TNPO3: variants seen among roughly 807,000 people sequenced by gnomAD.
TNPO3 encodes transportin 3, also known as transportin-3.
TNPO3 carries 65 observed loss-of-function variants against 122.8 expected under a neutral mutation model. That is an observed-to-expected ratio of 0.53 (90% CI 0.43 to 0.65). TNPO3 has a LOEUF of 0.65. Among genes scored for constraint, TNPO3 ranks in the 30% least tolerant of loss-of-function variants. The pLI is 0.00. For missense variants in TNPO3, 850 were observed against 1,136.7 expected (o/e 0.75, Z 3.63); for synonymous variants, 372 against 411.2 (o/e 0.90, Z 1.15).
At chr7:129,013,592 C>T (rs1803475382) in intron 4 of TNPO3, among the ~76,000 whole-genome samples, 1 of 152,118 alleles carries the variant, frequency 6.6e-6, no homozygotes, top group Admixed American at 6.5e-5. Flanking sequence ...ATAGTACTAC[C>T]ATACGATCTA....
In TNPO3 at chr7:128,972,530, T is replaced by G. The variant is rs368873021; in HGVS notation, c.2326A>C (p.Ile776Leu). 1 of 1,614,008 alleles carries G rather than the reference T, an allele frequency of 6.2e-7. No individual in the cohort carries two copies. Among genetic ancestry groups the G allele is most frequent in the Non-Finnish European group, 8.5e-7 (1 of 1,180,028 alleles). ...GTAGAGGCAATGGCCCACTGTAAGA[T>G]AGGGATGACCACTTGGCTCCGCAGC... is the stretch of plus-strand genomic sequence containing the variant. ...TLLRSQVVIP[I>L]LQWAIASTTL... Residue 776 changes from isoleucine (I) to leucine (L), a missense_variant, in exon 19 of 23, where the codon ATC becomes CTC. Coordinates refer to ENST00000265388, the MANE Select transcript of TNPO3 (RefSeq NM_012470.4).
At chr7:128,991,925 G>GA (rs1253996457) in intron 10 of TNPO3, 74 bp downstream of exon 10, 8,558 of 981,240 alleles carry the variant, frequency 8.7e-3, no homozygotes, top group South Asian at 0.01. Context: ...TACCATATAA[G>GA]AAAAAAAAAA....
intron 10 of TNPO3, among the ~76,000 whole-genome samples, chr7:128,990,675 T>C (rs1033485636): frequency 4.6e-5 from 7 of 152,234 alleles, no homozygotes; most frequent in African/African-American, 1.7e-4. Context: ...TAGATTAAGT[T>C]GCCCCGATTT....
intron 4 of TNPO3, among the ~76,000 whole-genome samples, chr7:129,014,321 G>C (rs925073283): frequency 6.6e-6 from 1 of 152,122 alleles, no homozygotes; most frequent in Non-Finnish European, 1.5e-5. Context: ...TCAGGAGTTC[G>C]AGGCCAGCCT....
At chr7:129,052,756 G>A (rs960704599) in intron 1 of TNPO3, among the ~76,000 whole-genome samples, 1 of 152,316 alleles carries the variant, frequency 6.6e-6, no homozygotes, top group Middle Eastern at 3.4e-3. Flanking sequence ...CAGCATAGTT[G>A]CTGGCACATG....
At chr7:129,036,287 A>T (rs1346296097) in intron 1 of TNPO3, among the ~76,000 whole-genome samples, 10 of 151,986 alleles carry the variant, frequency 6.6e-5, no homozygotes, top group Non-Finnish European at 1.5e-4. Flanking sequence ...GGGTCTTGAC[A>T]TGGTTGCCCA....
At chr7:128,989,066 G>A (rs772711578) in intron 11 of TNPO3, among the ~76,000 whole-genome samples, 1 of 152,034 alleles carries the variant, frequency 6.6e-6, no homozygotes, top group Non-Finnish European at 1.5e-5. Context: ...AACAGAGCGA[G>A]ACTCTATCTC....
chr7:128,986,939 C>T lies in TNPO3; in HGVS notation c.1499-19G>A. On this transcript the variant is annotated intron_variant, in intron 11 of 22. Transcript: ENST00000265388. ...ACAGGGTCTAAGAAGAAAAGCCAAG[C>T]AGAGATTACATATCTGAAACTAAAG... 1 of 1,584,070 alleles carries T rather than the reference C, an allele frequency of 6.3e-7. No individual in the cohort carries two copies. Among genetic ancestry groups the T allele is most frequent in the Non-Finnish European group, 8.6e-7 (1 of 1,167,658 alleles).
chr7:128,978,877 C>T (rs1799345050), intron 16 of TNPO3, 106 bp downstream of exon 16: 1 of 1,363,222 alleles, frequency 7.3e-7, no homozygotes, highest in Non-Finnish European at 1.0e-6. Context: ...GGTGGTCCAC[C>T]TGCATAGGCC....
At chr7:129,049,821 C>T (rs1050139984) in intron 1 of TNPO3, among the ~76,000 whole-genome samples, 6 of 151,880 alleles carry the variant, frequency 4.0e-5, no homozygotes, top group South Asian at 2.1e-4. Context: ...GAGGATGAGA[C>T]GAGAATAGGG....
chr7:128,957,619 CTATTAA>C (rs1222369254), intron 21 of TNPO3, among the ~76,000 whole-genome samples: 2 of 152,190 alleles, frequency 1.3e-5, no homozygotes, highest in African/African-American at 4.8e-5. Flanking sequence ...GTTTCCTCAT[CTATTAA>C]TATTATCTAC....
rs137891112 is a variant in TNPO3 at position 128,990,050 on chromosome 7, G to A, written c.1409C>T (p.Pro470Leu). The A allele has an allele frequency of 5.6e-6, 9 of 1,614,158 alleles. No homozygotes were observed. The highest frequency in any genetic ancestry group is 5.9e-6 in the Non-Finnish European group (7 of 1,180,034). Reference protein sequence around the residue: ...VEVLEGVVRLPETVHTAVRYT... With the variant: ...VEVLEGVVRLLETVHTAVRYT... ...TCGCACAGCCGTATGTACGGTCTCCGGGAGGCGGACAACTCCTTCTAGGAC... is the reference window on the plus strand; with the variant it reads ...TCGCACAGCCGTATGTACGGTCTCCAGGAGGCGGACAACTCCTTCTAGGAC... Residue 470 changes from proline to leucine, a missense_variant, in exon 11 of 23, where the codon CCG becomes CTG. Pro to Leu is a moderately conservative substitution (Grantham distance 98). Coordinates refer to ENST00000265388, the MANE Select transcript of TNPO3 (RefSeq NM_012470.4).
At chr7:129,052,754 T>C (rs1392538037) in intron 1 of TNPO3, among the ~76,000 whole-genome samples, 1 of 152,238 alleles carries the variant, frequency 6.6e-6, no homozygotes, top group Non-Finnish European at 1.5e-5. Context: ...CCCAGCATAG[T>C]TGCTGGCACA....
chr7:128,994,045 G>A, intron 8 of TNPO3, 131 bp from the exon 9 acceptor site: 1 of 737,438 alleles, frequency 1.4e-6, no homozygotes, highest in Non-Finnish European at 2.2e-6. Context: ...TAAATCACGA[G>A]GGTATTTTAT....
chr7:129,035,471 G>T (rs898591580), intron 1 of TNPO3, among the ~76,000 whole-genome samples: 1 of 152,158 alleles, frequency 6.6e-6, no homozygotes, highest in Non-Finnish European at 1.5e-5. Flanking sequence ...AAATTAGCCA[G>T]ATGTGGTGGT....
At chr7:129,007,581 T>A (rs948007189) in intron 4 of TNPO3, among the ~76,000 whole-genome samples, 2 of 152,260 alleles carry the variant, frequency 1.3e-5, no homozygotes, top group African/African-American at 4.8e-5. Flanking sequence ...GTTTTAAGCA[T>A]GTCAGCTTGA....
At chr7:128,973,127 T>C (rs1407265087) in intron 18 of TNPO3, among the ~76,000 whole-genome samples, 1 of 152,154 alleles carries the variant, frequency 6.6e-6, no homozygotes, top group Non-Finnish European at 1.5e-5. Flanking sequence ...GAAACTCTCC[T>C]AGGTTAAAAA....
At chr7:128,960,620 G>C (rs376372703) in intron 21 of TNPO3, among the ~76,000 whole-genome samples, 1 of 150,940 alleles carries the variant, frequency 6.6e-6, no homozygotes, top group East Asian at 1.9e-4. Flanking sequence ...AGCTTATAAA[G>C]ATATAAAGAA....
chr7:128,978,436 T>C (rs1466756707), intron 16 of TNPO3, among the ~76,000 whole-genome samples: 1 of 152,220 alleles, frequency 6.6e-6, no homozygotes, highest in East Asian at 1.9e-4. Flanking sequence ...CATTAGTATA[T>C]AAGTACTGAG....
Sources: gnomAD v4.1 joint callset for allele counts (sites outside exome capture counted in the v4.1 genomes callset) on GRCh38, gnomAD v4.1.1 for gene constraint, MANE v1.5 for transcripts, NCBI Gene and HGNC (gene_info 2026-07-23, HGNC 2026-07-21) for gene names.